Variants in CENPW observed in about 807,000 individuals in gnomAD.
The protein encoded by CENPW is centromere protein W.
Under a neutral mutation model 11.1 loss-of-function variants are expected in CENPW, and 3 were observed. The observed-to-expected ratio is 0.27, with a 90% CI of 0.12 to 0.70. The LOEUF (loss-of-function observed/expected upper bound fraction) is 0.70. CENPW is among the 30% of genes least tolerant of loss of function. CENPW has a pLI of 0.77. For missense variants in CENPW, 100 were observed against 105.6 expected (o/e 0.95, Z 0.23); for synonymous variants, 38 against 42.0 (o/e 0.91, Z 0.37).
chr6:126,426,251 G>T, the CENPW span, among the ~76,000 whole-genome samples: 1 of 152,168 alleles, frequency 6.6e-6, no homozygotes. Context: ...AAACAACCAA[G>T]TAGGAAAATG....
the CENPW span, among the ~76,000 whole-genome samples, chr6:126,462,530 TCTCACA>T: frequency 4.2e-4 from 61 of 144,030 alleles, no homozygotes; most frequent in East Asian, 3.0e-3. Flanking sequence ...TCTCTCTCTC[TCTCACA>T]CACACACACA....
At chr6:126,378,295 T>G in the CENPW span, among the ~76,000 whole-genome samples, 6 of 152,054 alleles carry the variant, frequency 3.9e-5, no homozygotes, top group Non-Finnish European at 7.4e-5. Flanking sequence ...AGTGCTTTTC[T>G]GCTGAAGAGC....
the CENPW span, among the ~76,000 whole-genome samples, chr6:126,439,601 T>A: frequency 6.6e-6 from 1 of 151,702 alleles, no homozygotes; most frequent in Non-Finnish European, 1.5e-5. Context: ...GCTATTGTTC[T>A]GAACAACTGA....
the CENPW span, among the ~76,000 whole-genome samples, chr6:126,437,054 T>C: frequency 6.6e-6 from 1 of 151,726 alleles, no homozygotes; most frequent in East Asian, 1.9e-4. Context: ...GACTTGCTAA[T>C]TGGTAAACTA....
Position 126,340,198 on chromosome 6 carries a change from GC to G in CENPW, c.-73del. The G allele has an allele frequency of 2.2e-6, 3 of 1,388,098 alleles. No individual in the cohort carries two copies. Among genetic ancestry groups the G allele is most frequent in the Non-Finnish European group, 3.0e-6 (3 of 988,520 alleles). The allele number at this position is 1,388,098 out of a possible 1,614,324, so 86.0% of individuals were successfully genotyped here. A position where few individuals can be genotyped will look rare whatever the true frequency, so the allele number is the denominator to read the frequency against. On this transcript the variant is annotated 5_prime_UTR_variant, in exon 1 of 3. Coordinates refer to ENST00000368328, the MANE Select transcript of CENPW (RefSeq NM_001012507.4). Reference sequence around the variant, plus strand: ...CATACGGACCGGATTGTTTTCGCTGGCCCAGTGTCCCCGGAGCTTGTGTGCG... The same window carrying G: ...CATACGGACCGGATTGTTTTCGCTGGCCAGTGTCCCCGGAGCTTGTGTGCG...
chr6:126,475,892 C>A, the CENPW span, among the ~76,000 whole-genome samples: 1 of 151,912 alleles, frequency 6.6e-6, no homozygotes. Flanking sequence ...TAAAAAAGAC[C>A]TTAGAAATTA....
chr6:126,343,428 A>C (rs1780350873), intron 1 of CENPW, among the ~76,000 whole-genome samples: 1 of 152,196 alleles, frequency 6.6e-6, no homozygotes. Context: ...CTAATAGGAT[A>C]GATGTATATA....
At chr6:126,396,136 C>G in the CENPW span, among the ~76,000 whole-genome samples, 1 of 151,990 alleles carries the variant, frequency 6.6e-6, no homozygotes, top group East Asian at 1.9e-4. Context: ...GTGAGCTCCC[C>G]CAGGCCCTGA....
the CENPW span, among the ~76,000 whole-genome samples, chr6:126,404,971 G>T: frequency 6.6e-6 from 1 of 151,488 alleles, no homozygotes; most frequent in Non-Finnish European, 1.5e-5. Flanking sequence ...TCACTCTATG[G>T]ACTGTTTCCT....
At chr6:126,403,310 G>C in the CENPW span, among the ~76,000 whole-genome samples, 1 of 152,106 alleles carries the variant, frequency 6.6e-6, no homozygotes, top group Non-Finnish European at 1.5e-5. Flanking sequence ...AAATGATTAA[G>C]CTTTAGTGAG....
the CENPW span, among the ~76,000 whole-genome samples, chr6:126,436,829 A>C: frequency 6.6e-6 from 1 of 151,812 alleles, no homozygotes; most frequent in Non-Finnish European, 1.5e-5. Flanking sequence ...ATGCCATCTG[A>C]TTTCTTTGAT....
chr6:126,386,514 T>C, the CENPW span, among the ~76,000 whole-genome samples: 1 of 152,062 alleles, frequency 6.6e-6, no homozygotes, highest in Non-Finnish European at 1.5e-5. Context: ...TCAATTTTTA[T>C]TGCTCTTTGA....
At chr6:126,374,363 G>T in the CENPW span, among the ~76,000 whole-genome samples, 1 of 152,048 alleles carries the variant, frequency 6.6e-6, no homozygotes, top group African/African-American at 2.4e-5. Flanking sequence ...AGCCATCTTT[G>T]GGTTTAGAAA....
At chr6:126,466,856 AGAGCCAAATCAG>A in the CENPW span, among the ~76,000 whole-genome samples, 2 of 152,174 alleles carry the variant, frequency 1.3e-5, no homozygotes, top group East Asian at 3.8e-4. Context: ...AGCCAAACCA[AGAGCCAAATCAG>A]GAACTCAATC....
the CENPW span, among the ~76,000 whole-genome samples, chr6:126,398,617 C>T: frequency 6.6e-6 from 1 of 151,904 alleles, no homozygotes. Context: ...GTTTTCAGTT[C>T]TATTACTTTT....
the CENPW span, among the ~76,000 whole-genome samples, chr6:126,371,772 G>A: frequency 6.8e-4 from 104 of 152,100 alleles, no homozygotes; most frequent in Non-Finnish European, 1.2e-3. Context: ...TTATTGGTCC[G>A]TTCAGCGTTT....
the CENPW span, among the ~76,000 whole-genome samples, chr6:126,366,032 A>G: frequency 3.9e-5 from 6 of 152,324 alleles, no homozygotes; most frequent in African/African-American, 1.4e-4. Context: ...TATCCCTACT[A>G]GCATTAAAGT....
chr6:126,363,135 T>C, the CENPW span, among the ~76,000 whole-genome samples: 1 of 152,190 alleles, frequency 6.6e-6, no homozygotes, highest in Admixed American at 6.5e-5. Context: ...GGAGAGTTTC[T>C]GGGATTTCTG....
At chr6:126,430,717 C>T in the CENPW span, among the ~76,000 whole-genome samples, 3 of 151,896 alleles carry the variant, frequency 2.0e-5, no homozygotes, top group Admixed American at 6.6e-5. Flanking sequence ...TTTGGGAGGC[C>T]GAGGTGGGCA....
Sources: gnomAD v4.1 joint callset for allele counts (sites outside exome capture counted in the v4.1 genomes callset) on GRCh38, gnomAD v4.1.1 for gene constraint, MANE v1.5 for transcripts, NCBI Gene and HGNC (gene_info 2026-07-23, HGNC 2026-07-21) for gene names.